CHRD: variants seen among roughly 807,000 people sequenced by gnomAD.
The protein encoded by CHRD is chordin.
A neutral mutation model predicts 113.7 loss-of-function variants in CHRD; 69 were observed. That is an observed-to-expected ratio of 0.61 (90% CI 0.50 to 0.74). The LOEUF is 0.74. CHRD is among the 30% of genes least tolerant of loss of function. The pLI is 0.00. For synonymous variants in CHRD, 561 were observed against 540.8 expected, an observed-to-expected ratio of 1.04 and a Z score of -0.52; for missense variants, 1,194 against 1,295.8, an observed-to-expected ratio of 0.92 and a Z score of 1.21.
At position 184,380,329 on chromosome 3, in the gene CHRD, T is replaced by C; in HGVS notation, c.11T>C (p.Leu4Pro). Reference sequence around the variant, plus strand: ...TGTCCCGTTCGCGTCATGCCGAGCCTCCCGGCCCCGCCGGCCCCGCTGCTG... The same window carrying C: ...TGTCCCGTTCGCGTCATGCCGAGCCCCCCGGCCCCGCCGGCCCCGCTGCTG... The change falls in exon 1 of 23, where the codon CTC (leucine) becomes CCC (proline). Residue 4 changes from leucine to proline, a missense_variant. Physicochemically the swap from Leu to Pro is moderately conservative, Grantham distance 98. Transcript: ENST00000204604. The surrounding 1 kb of genome is among the most constrained non-coding windows in gnomAD (Gnocchi z 6.3). 5 of 1,266,630 alleles carry C rather than the reference T, an allele frequency of 3.9e-6. No homozygotes were observed. The highest frequency in any genetic ancestry group is 1.5e-5 in the South Asian group (1 of 64,570). The allele number at this position is 1,266,630 out of a possible 1,614,324, so 78.5% of individuals were successfully genotyped here.
chr3:184,384,572 G>T lies in CHRD; in HGVS notation c.1476G>T (p.Gly492=). ...TCTGCCCTGGGCTGGGTGCCCGAGGGGCTCATATGCTGCTGCAGAATGAGC... is the reference window on the plus strand; with the variant it reads ...TCTGCCCTGGGCTGGGTGCCCGAGGTGCTCATATGCTGCTGCAGAATGAGC... The change falls in exon 13 of 23, where the codon GGG becomes GGT. Residue 492 remains glycine, a synonymous_variant. Transcript: ENST00000204604. This position sits in a 1 kb window ranked among gnomAD's most constrained non-coding sequence, Gnocchi z 4.4. The T allele has an allele frequency of 6.3e-7, 1 of 1,596,650 alleles. No individual in the cohort carries two copies. The highest frequency in any genetic ancestry group is 8.5e-7 in the Non-Finnish European group (1 of 1,171,588).
chr3:184,382,211 A>G, intron 6 of CHRD, 178 bp from the exon 7 acceptor site: 1 of 1,221,280 alleles, frequency 8.2e-7, no homozygotes, highest in Non-Finnish European at 1.2e-6. Flanking sequence ...CACAGCTAGT[A>G]AGTGGTGCAG....
rs1480589464 is a variant in CHRD at position 184,387,207 on chromosome 3, G to C, written c.2347+100G>C. 1 of 1,323,918 alleles carries C rather than the reference G, an allele frequency of 7.6e-7. No homozygotes were observed. Among genetic ancestry groups the C allele is most frequent in the Non-Finnish European group, 1.1e-6 (1 of 928,890 alleles). 82.0% of individuals were successfully genotyped at this position (1,323,918 alleles called of 1,614,324 possible). A position where few individuals can be genotyped will look rare whatever the true frequency, so the allele number is the denominator to read the frequency against. On this transcript the variant is annotated intron_variant, in intron 18 of 22. Coordinates refer to ENST00000204604, the Ensembl canonical transcript of CHRD. The surrounding 1 kb of genome is among the most constrained non-coding windows in gnomAD (Gnocchi z 6.1). Reference sequence around the variant, plus strand: ...GGGGAGAGTATATAGGGGGTGGCCTGAGGGGCACAGATTCCAAGTGATGCC... The same window carrying C: ...GGGGAGAGTATATAGGGGGTGGCCTCAGGGGCACAGATTCCAAGTGATGCC...
In CHRD at chr3:184,381,391, G is replaced by A. The variant is rs1407639515; in HGVS notation, c.382+27G>A. The A allele has an allele frequency of 6.3e-7, 1 of 1,591,526 alleles. No individual in the cohort carries two copies. Among genetic ancestry groups the A allele is most frequent in the Non-Finnish European group, 8.5e-7 (1 of 1,169,612 alleles). On this transcript the variant is annotated intron_variant, in intron 3 of 22. Transcript: ENST00000204604. This position sits in a 1 kb window ranked among gnomAD's most constrained non-coding sequence, Gnocchi z 4.7. ...TAAGTCTTGCTCCGCCCTGCGGGGA[G>A]GGAGGCAGGGCCACGATACTAGGTC...
At chr3:184,382,646 C>A in exon 8 of CHRD, 2 of 1,613,192 alleles carry the variant, frequency 1.2e-6, no homozygotes, top group South Asian at 1.1e-5. Flanking sequence ...ACCTTCAGTG[C>A]CATCCTGACT....
chr3:184,389,276 A>G, intron 22 of CHRD, 91 bp from the exon 23 acceptor site: 3 of 1,225,842 alleles, frequency 2.4e-6, no homozygotes, highest in Non-Finnish European at 3.5e-6. Flanking sequence ...TCTGGGACCA[A>G]GGCAGGGATG....
chr3:184,384,708 G>C lies in CHRD; in HGVS notation c.1597+15G>C. 1.3e-6 allele frequency: 2 copies of C among 1,532,270 alleles called. No homozygotes were observed. Among genetic ancestry groups the C allele is most frequent in the Non-Finnish European group, 1.8e-6 (2 of 1,138,790 alleles). 94.9% of individuals were successfully genotyped at this position (1,532,270 alleles called of 1,614,324 possible). On this transcript the variant is annotated intron_variant, in intron 13 of 22. Transcript: ENST00000204604. This position sits in a 1 kb window ranked among gnomAD's most constrained non-coding sequence, Gnocchi z 4.4. Reference sequence around the variant, plus strand: ...CCGCCATGACAGTGAGTGTCCTTAGGGGTCTGTCTGCCCTTTGGTTTCCTA... The same window carrying C: ...CCGCCATGACAGTGAGTGTCCTTAGCGGTCTGTCTGCCCTTTGGTTTCCTA...
intron 8 of CHRD, 27 bp downstream of exon 8, chr3:184,382,801 GAGA>G (rs1381952605): frequency 1.2e-6 from 2 of 1,613,358 alleles, no homozygotes; most frequent in Admixed American, 1.7e-5. Context: ...CAAAACACGT[GAGA>G]AGGTTAGGGA....
In CHRD at chr3:184,381,448, C is replaced by T. The variant is rs781112267; in HGVS notation, c.383-48C>T. ...CACTTGGATGGGGCGTCGGACTGGC[C>T]TTTCCCATGGCCAGCTGAAGCCCGT... On this transcript the variant is annotated intron_variant, in intron 3 of 22. Coordinates refer to ENST00000204604, the Ensembl canonical transcript of CHRD. This position sits in a 1 kb window ranked among gnomAD's most constrained non-coding sequence, Gnocchi z 4.7. 15 of 1,594,798 alleles carry T rather than the reference C, an allele frequency of 9.4e-6. No homozygotes were observed. The highest frequency in any genetic ancestry group is 1.3e-5 in the Non-Finnish European group (15 of 1,170,956).
chr3:184,382,574 T>C lies in CHRD; in HGVS notation c.841+44T>C, dbSNP rs746789491. 11 of 1,611,744 alleles carry C rather than the reference T, an allele frequency of 6.8e-6. No homozygotes were observed. The South Asian group carries it at 1.2e-4, about 18-fold the overall frequency. ...CGGGCGTGAAGTTCTGAGTCTTCTC[T>C]ATCACCCAGGAAAGGGGGGGAGGGT... On this transcript the variant is annotated intron_variant, in intron 7 of 22. Transcript: ENST00000204604.
rs1716657870 is a variant in CHRD at position 184,388,274 on chromosome 3, TC to T, written c.2554+243del. Among the ~76,000 whole-genome samples, 3 of 151,490 alleles carry T rather than the reference TC, an allele frequency of 2.0e-5. No homozygotes were observed. Among genetic ancestry groups the T allele is most frequent in the Admixed American group, 1.3e-4 (2 of 15,212 alleles). ...ATCCATCCATCCATCCATCCATCCA[TC>T]CATCCATCCGTCCATTCATCTATCT... On this transcript the variant is annotated intron_variant, in intron 20 of 22. Transcript: ENST00000204604. The surrounding 1 kb of genome is among the most constrained non-coding windows in gnomAD (Gnocchi z 6.1).
At chr3:184,385,234 C>T in exon 14 of CHRD, 6 of 1,612,068 alleles carry the variant, frequency 3.7e-6, no homozygotes, top group Non-Finnish European at 5.1e-6. Flanking sequence ...TTCTATGGCT[C>T]AGAGGTAAGG....
rs772466378 is a variant in CHRD at position 184,380,480 on chromosome 3, C to G, written c.148+14C>G. On this transcript the variant is annotated intron_variant, in intron 1 of 22. Coordinates refer to ENST00000204604, the Ensembl canonical transcript of CHRD. The surrounding 1 kb of genome is among the most constrained non-coding windows in gnomAD (Gnocchi z 6.3). ...GGGGAGCGGCAGGTAGGTGGGCGCC[C>G]GGGGGAGGCGCGGGCGGGGAGTCGG... 1.2e-3 allele frequency: 1,338 copies of G among 1,123,884 alleles called. 35 individuals carry two copies. The Admixed American group carries it at 0.046, about 39-fold the overall frequency. The allele number at this position is 1,123,884 out of a possible 1,614,324, so 69.6% of individuals were successfully genotyped here.
chr3:184,382,970 G>C, intron 9 of CHRD, 32 bp downstream of exon 9: 1 of 1,613,386 alleles, frequency 6.2e-7, no homozygotes, highest in Admixed American at 1.7e-5. Flanking sequence ...GCTGCCACCT[G>C]TCTTGGCCTC....
chr3:184,385,816 G>A (rs1344052027), intron 14 of CHRD, among the ~76,000 whole-genome samples: 1 of 151,768 alleles, frequency 6.6e-6, no homozygotes, highest in African/African-American at 2.4e-5. Context: ...GTAATATCCT[G>A]GACCTCAGGG....
At chr3:184,383,241 G>C in intron 10 of CHRD, 71 bp from the exon 11 acceptor site, 3 of 1,591,476 alleles carry the variant, frequency 1.9e-6, no homozygotes, top group Non-Finnish European at 2.6e-6. Flanking sequence ...GGGTGTGGGA[G>C]AGATCCTGTG....
Position 184,380,507 on chromosome 3 carries a change from C to A in CHRD, c.148+41C>A. On this transcript the variant is annotated intron_variant, in intron 1 of 22. Coordinates refer to ENST00000204604, the Ensembl canonical transcript of CHRD. The surrounding 1 kb of genome is among the most constrained non-coding windows in gnomAD (Gnocchi z 6.3). The stretch of plus-strand genomic sequence containing the variant: ...GGGGAGGCGCGGGCGGGGAGTCGGG[C>A]TCGGGGCGAGTCAGCGCCAGCCCGG... 8.8e-7 allele frequency: 1 copy of A among 1,138,932 alleles called. No homozygotes were observed. The highest frequency in any genetic ancestry group is 1.1e-6 in the Non-Finnish European group (1 of 924,500). The allele number at this position is 1,138,932 out of a possible 1,614,324, so 70.6% of individuals were successfully genotyped here. A position where few individuals can be genotyped will look rare whatever the true frequency, so the allele number is the denominator to read the frequency against.
At chr3:184,382,898 G>A in exon 9 of CHRD, 1 of 1,613,856 alleles carries the variant, frequency 6.2e-7, no homozygotes, top group Non-Finnish European at 8.5e-7. Flanking sequence ...CTACACCAGG[G>A]GCAGCTACTG....
chr3:184,388,281 A>ATCCG lies in CHRD; in HGVS notation c.2554+252_2554+255dup, dbSNP rs757943830. 2.2e-5 allele frequency among the ~76,000 whole-genome samples: 3 copies of ATCCG among 136,654 alleles called. No individual in the cohort carries two copies. The highest frequency in any genetic ancestry group is 1.4e-4 in the Admixed American group (2 of 13,882). The allele number at this position is 136,654 out of a possible 152,430, so 89.7% of individuals were successfully genotyped here. The stretch of plus-strand genomic sequence containing the variant: ...CATCCATCCATCCATCCATCCATCC[A>ATCCG]TCCGTCCATTCATCTATCTATCCAC... On this transcript the variant is annotated intron_variant, in intron 20 of 22. Coordinates refer to ENST00000204604, the Ensembl canonical transcript of CHRD. The surrounding 1 kb of genome is among the most constrained non-coding windows in gnomAD (Gnocchi z 6.1).
Sources: allele counts gnomAD v4.1 joint callset (sites outside exome capture counted in the v4.1 genomes callset), GRCh38; gene constraint gnomAD v4.1.1; non-coding constraint Gnocchi (gnomAD v3.1); transcripts MANE v1.5; gene names NCBI Gene and HGNC (gene_info 2026-07-23, HGNC 2026-07-21).